ATP8B1: variants seen among roughly 807,000 people sequenced by gnomAD.
ATP8B1 encodes ATPase phospholipid transporting 8B1, also known as phospholipid-transporting ATPase IC.
A neutral mutation model predicts 149.9 loss-of-function variants in ATP8B1; 80 were observed. The observed-to-expected ratio is 0.53, with a 90% CI of 0.45 to 0.64. The LOEUF is 0.64. ATP8B1 is among the 30% of genes least tolerant of loss of function. The pLI is 0.00. For synonymous variants in ATP8B1, 536 were observed against 562.8 expected, an observed-to-expected ratio of 0.95 and a Z score of 0.67; for missense variants, 1,247 against 1,552.6, an observed-to-expected ratio of 0.80 and a Z score of 3.31.
intron 27 of ATP8B1, 56 bp downstream of exon 27, chr18:57,650,311 G>T: frequency 6.3e-7 from 1 of 1,598,374 alleles, no homozygotes; most frequent in Non-Finnish European, 8.6e-7. Flanking sequence ...GTGCTGTTGG[G>T]AAACGCTTTG....
intron 12 of ATP8B1, among the ~76,000 whole-genome samples, 191 bp downstream of exon 12, chr18:57,691,616 G>A (rs531838952): frequency 2.0e-4 from 30 of 152,288 alleles, no homozygotes; most frequent in African/African-American, 7.2e-4. Context: ...GATAAAAGGT[G>A]CCTGGCACAG....
intron 22 of ATP8B1, among the ~76,000 whole-genome samples, chr18:57,660,867 G>C (rs1020752306): frequency 2.0e-5 from 3 of 152,018 alleles, no homozygotes; most frequent in South Asian, 2.1e-4. Flanking sequence ...ACCAGTAAGA[G>C]AGAAAAAAAT....
Position 57,697,693 on chromosome 18 carries a change from C to T in ATP8B1, c.628-5G>A. The T allele has an allele frequency of 6.2e-7, 1 of 1,613,950 alleles. No individual in the cohort carries two copies. Among genetic ancestry groups the T allele is most frequent in the Admixed American group, 1.7e-5 (1 of 59,978 alleles). ...AGACAGCAGGAGAATGTCAGCCTGT[C>T]CAAAACAAAACACACAAATAACACC... On this transcript the variant is annotated splice_region_variant and splice_polypyrimidine_tract_variant and intron_variant, in intron 7 of 27. Coordinates refer to ENST00000648908, the MANE Select transcript of ATP8B1 (RefSeq NM_001374385.1).
chr18:57,747,283 T>C (rs1377361667), intron 1 of ATP8B1, among the ~76,000 whole-genome samples: 2 of 152,004 alleles, frequency 1.3e-5, no homozygotes, highest in African/African-American at 2.4e-5. Flanking sequence ...TGAAACCCCA[T>C]CTCTACTAAA....
intron 1 of ATP8B1, among the ~76,000 whole-genome samples, chr18:57,770,477 C>T (rs924131804): frequency 5.3e-5 from 8 of 152,236 alleles, no homozygotes; most frequent in African/African-American, 1.7e-4. Flanking sequence ...TGCCTCCATC[C>T]AGTTTGGGAT....
At chr18:57,767,553 C>G (rs12455574) in intron 1 of ATP8B1, among the ~76,000 whole-genome samples, 3 of 151,764 alleles carry the variant, frequency 2.0e-5, no homozygotes, top group Non-Finnish European at 4.4e-5. Flanking sequence ...TTGGGGAGGG[C>G]GAGGTGGGTG....
chr18:57,648,446 T>C lies in ATP8B1; in HGVS notation c.*42A>G, dbSNP rs757008562. The stretch of plus-strand genomic sequence containing the variant: ...GTCCTGAGAGTCTTTCATAAAAAAA[T>C]AGACGTGCTTTGTGGCCGCATCCCA... On this transcript the variant is annotated 3_prime_UTR_variant, in exon 28 of 28. Coordinates refer to ENST00000648908, the MANE Select transcript of ATP8B1 (RefSeq NM_001374385.1). The C allele has an allele frequency of 6.2e-7, 1 of 1,600,972 alleles. No individual in the cohort carries two copies. Among genetic ancestry groups the C allele is most frequent in the Non-Finnish European group, 8.5e-7 (1 of 1,171,126 alleles).
rs1912365122 is a variant in ATP8B1, at chr18:57,688,414, G to C, written c.1314C>G (p.Thr438=). The change falls in exon 13 of 28, where the codon ACC becomes ACG. Residue 438 remains threonine (T), a synonymous_variant. Coordinates refer to ENST00000648908, the MANE Select transcript of ATP8B1 (RefSeq NM_001374385.1). ...GCCCGAGCTGTTCATTGAGTGTGGTGGTTCTAGCTTTTGCGGGTGTGTCCT... is the reference window on the plus strand; with the variant it reads ...GCCCGAGCTGTTCATTGAGTGTGGTCGTTCTAGCTTTTGCGGGTGTGTCCT... The part of the protein sequence containing the change: ...AEKDTPAKAR[T]TTLNEQLGQI... The C allele has an allele frequency of 6.2e-7, 1 of 1,614,168 alleles. No homozygotes were observed. Among genetic ancestry groups the C allele is most frequent in the Non-Finnish European group, 8.5e-7 (1 of 1,180,018 alleles).
rs142578955 is a variant in ATP8B1 at position 57,759,670 on chromosome 18, C to T, written c.-25-27838G>A. 8.4e-3 allele frequency among the ~76,000 whole-genome samples: 1,272 copies of T among 151,800 alleles called. 23 individuals carry two copies. In the East Asian group the frequency reaches 0.087, roughly 10 times the overall value. ...TAAAAATAAAAAAAAAAGAATTAGC[C>T]GGGCTTGGTGGCGGGCGCCTGTAGT... is the stretch of plus-strand genomic sequence containing the variant. On this transcript the variant is annotated intron_variant, in intron 1 of 27. Transcript: ENST00000648908.
chr18:57,751,369 G>A (rs1301065400), intron 1 of ATP8B1, among the ~76,000 whole-genome samples: 1 of 151,078 alleles, frequency 6.6e-6, no homozygotes, highest in Non-Finnish European at 1.5e-5. Context: ...TGGTGTAGCT[G>A]TAGTCCCAGT....
In ATP8B1 at chr18:57,661,305, T is replaced by G; in HGVS notation, c.2576A>C (p.Glu859Ala). The change falls in exon 22 of 28, where the codon GAG (glutamate) becomes GCG (alanine). Residue 859 changes from glutamate (E) to alanine (A), a missense_variant. Coordinates refer to ENST00000648908, the MANE Select transcript of ATP8B1 (RefSeq NM_001374385.1). ...RQKNFVDLAC[E>A]CSAVICCRVT... ...GCGGCAGCAGATGACTGCGCTGCAC[T>G]CGCAGGCCAGGTCCACAAAGTTTTT... is the stretch of plus-strand genomic sequence containing the variant. 4 of 1,614,066 alleles carry G rather than the reference T, an allele frequency of 2.5e-6. No homozygotes were observed. The highest frequency in any genetic ancestry group is 3.4e-6 in the Non-Finnish European group (4 of 1,180,016).
At chr18:57,798,957 A>C (rs1231232275) in intron 1 of ATP8B1, among the ~76,000 whole-genome samples, 1 of 152,244 alleles carries the variant, frequency 6.6e-6, no homozygotes, top group African/African-American at 2.4e-5. Context: ...TGTTTCCTAC[A>C]TAGCCCAGGA....
At chr18:57,719,761 G>A (rs1354509711) in intron 2 of ATP8B1, among the ~76,000 whole-genome samples, 1 of 152,230 alleles carries the variant, frequency 6.6e-6, no homozygotes, top group African/African-American at 2.4e-5. Flanking sequence ...GCCCACCACA[G>A]CTCAGAGGCC....
chr18:57,764,764 A>G (rs931352729), intron 1 of ATP8B1, among the ~76,000 whole-genome samples: 3 of 150,582 alleles, frequency 2.0e-5, no homozygotes, highest in Non-Finnish European at 4.4e-5. Context: ...TGTCAAAAAA[A>G]AAAAAAAAAA....
intron 2 of ATP8B1, among the ~76,000 whole-genome samples, chr18:57,712,048 C>CATATATATATATATATATAT (rs10622264): frequency 2.8e-5 from 4 of 144,382 alleles, no homozygotes; most frequent in Middle Eastern, 3.5e-3. Flanking sequence ...CCTCTATTGG[C>CATATATATATATATATATAT]ATATATATAT....
At chr18:57,738,839 C>G (rs1397953279) in intron 1 of ATP8B1, among the ~76,000 whole-genome samples, 1 of 152,020 alleles carries the variant, frequency 6.6e-6, no homozygotes, top group Non-Finnish European at 1.5e-5. Flanking sequence ...TGCTTACACC[C>G]TTCCTGGGTG....
chr18:57,667,040 C>T, intron 20 of ATP8B1, 52 bp downstream of exon 20: 2 of 1,470,776 alleles, frequency 1.4e-6, no homozygotes, highest in Admixed American at 3.3e-5. Flanking sequence ...GACAGTCTTG[C>T]ATTTGCAAAG....
At chr18:57,655,441 C>G (rs748643700) in intron 22 of ATP8B1, 24 bp from the exon 23 acceptor site, 5 of 1,603,578 alleles carry the variant, frequency 3.1e-6, no homozygotes, top group Non-Finnish European at 3.4e-6. Flanking sequence ...GGAGAAAACA[C>G]TGTGGATCAT....
chr18:57,787,087 A>G (rs1175336058), intron 1 of ATP8B1, among the ~76,000 whole-genome samples: 3 of 152,222 alleles, frequency 2.0e-5, no homozygotes, highest in African/African-American at 7.2e-5. Flanking sequence ...CAAATACAAA[A>G]TTTTGAAGAC....
Sources: gnomAD v4.1 joint callset for allele counts (sites outside exome capture counted in the v4.1 genomes callset) on GRCh38, gnomAD v4.1.1 for gene constraint, MANE v1.5 for transcripts, NCBI Gene and HGNC (gene_info 2026-07-23, HGNC 2026-07-21) for gene names.